The following PTPRQ variants were observed in gnomAD, a reference collection of about 807,000 sequenced individuals.
PTPRQ encodes phosphatidylinositol phosphatase PTPRQ.
A neutral mutation model predicts 246.0 loss-of-function variants in PTPRQ; 199 were observed. The observed-to-expected ratio is 0.81, with a 90% confidence interval of 0.72 to 0.91. The LOEUF is 0.91. Among genes scored for constraint, PTPRQ ranks in the 40% least tolerant of loss-of-function variants. The probability of loss-of-function intolerance (pLI) is 0.00; values close to 1 mark genes in which losing one functional copy is unlikely to be tolerated. For synonymous variants in PTPRQ, 869 were observed against 853.2 expected, an observed-to-expected ratio of 1.02 and a Z score of -0.32; for missense variants, 2,624 against 2,528.4, an observed-to-expected ratio of 1.04 and a Z score of -0.81.
In PTPRQ at chr12:80,477,686, G is replaced by C. The variant is rs566282102; in HGVS notation, c.1186+5435G>C. On this transcript the variant is annotated intron_variant, in intron 8 of 44. Transcript: ENST00000644991. ...TGGGTGTGCGCACCGTGTGCGAGCC[G>C]AAGCAGGGCGAGGCATTGCCTCACT... Among the ~76,000 whole-genome samples the C allele has an allele frequency of 1.5e-3, 233 of 152,284 alleles. 1 individual carries two copies. The highest frequency in any genetic ancestry group is 5.2e-3 in the African/African-American group (217 of 41,560).
rs145904177 is a variant in PTPRQ, at chr12:80,500,492, GT to G, written c.2272+3962del. ...CATATTTACACACTGACTACTGGTG[GT>G]AGGCAGACAACTGCAGAGAGAAAAC... is the stretch of plus-strand genomic sequence containing the variant. On this transcript the variant is annotated intron_variant, in intron 14 of 44. Transcript: ENST00000644991. Among the ~76,000 whole-genome samples the G allele has an allele frequency of 1.6e-3, 241 of 152,056 alleles. 5 individuals carry two copies. In the East Asian group the frequency reaches 0.022, roughly 14 times the overall value.
chr12:80,659,771 T>C (rs1253435950), intron 39 of PTPRQ, among the ~76,000 whole-genome samples: 1 of 152,080 alleles, frequency 6.6e-6, no homozygotes, highest in African/African-American at 2.4e-5. Flanking sequence ...TGTAATATAA[T>C]AAATCTTACA....
At chr12:80,654,035 TTTTTCTTTCTTTC>T (rs375049272) in intron 38 of PTPRQ, among the ~76,000 whole-genome samples, 2,531 of 151,594 alleles carry the variant, frequency 0.017, 57 homozygotes, top group African/African-American at 0.057. Flanking sequence ...TTCTTTCTTT[TTTTTCTTTCTTTC>T]TTTTCTTTCT....
chr12:80,646,082 G>A (rs1900061661), intron 35 of PTPRQ, among the ~76,000 whole-genome samples: 3 of 152,062 alleles, frequency 2.0e-5, no homozygotes, highest in African/African-American at 7.2e-5. Context: ...ATATTCTTTT[G>A]GAAATAATGG....
intron 16 of PTPRQ, among the ~76,000 whole-genome samples, chr12:80,508,417 C>A (rs1262821249): frequency 2.0e-5 from 3 of 151,960 alleles, no homozygotes; most frequent in African/African-American, 4.8e-5. Context: ...CTAAGTTACT[C>A]TGGGGTGTGA....
chr12:80,514,402 A>ACACTCTCTCT (rs552667526), intron 17 of PTPRQ, among the ~76,000 whole-genome samples: 135 of 113,016 alleles, frequency 1.2e-3, no homozygotes, highest in African/African-American at 3.5e-3. Flanking sequence ...ACACACACAC[A>ACACTCTCTCT]CTCTCTCTCT....
At chr12:80,452,583 T>C (rs1372574704) in intron 3 of PTPRQ, among the ~76,000 whole-genome samples, 7 of 152,146 alleles carry the variant, frequency 4.6e-5, no homozygotes, top group Non-Finnish European at 1.0e-4. Flanking sequence ...TCTCTCAGCA[T>C]TTGTTTGTCT....
intron 12 of PTPRQ, among the ~76,000 whole-genome samples, 180 bp downstream of exon 12, chr12:80,495,551 ATG>A (rs1894591377): frequency 6.6e-6 from 1 of 152,024 alleles, no homozygotes; most frequent in Non-Finnish European, 1.5e-5. Flanking sequence ...ACTCGATTAA[ATG>A]TGTTTTTCTT....
chr12:80,613,161 T>C (rs894960481), intron 28 of PTPRQ, among the ~76,000 whole-genome samples: 2 of 147,984 alleles, frequency 1.4e-5, no homozygotes, highest in Admixed American at 6.7e-5. Flanking sequence ...CCAATATCAG[T>C]TTCCTGGTTT....
rs752218516 is a variant in PTPRQ, at chr12:80,495,193, G to T, written c.1704G>T (p.Val568=). 5.8e-6 allele frequency: 9 copies of T among 1,542,970 alleles called. No homozygotes were observed. Among genetic ancestry groups the T allele is most frequent in the Non-Finnish European group, 8.7e-7 (1 of 1,144,566 alleles). ...CATATGTTCATTCTTCTTTTTAAGT[G>T]CCAAGCTCCATTAAAATTATAAACT... ...TVLSVRTRQQ[V]PSSIKIINYK... Residue 568 remains valine, a splice_region_variant and synonymous_variant, in exon 12 of 45, where the codon GTG becomes GTT. Transcript: ENST00000644991.
chr12:80,541,918 A>T, intron 21 of PTPRQ, 73 bp downstream of exon 21: 1 of 1,467,458 alleles, frequency 6.8e-7, no homozygotes, highest in African/African-American at 1.4e-5. Context: ...CTGATAGGAA[A>T]TAGTCTTCAA....
intron 16 of PTPRQ, among the ~76,000 whole-genome samples, chr12:80,508,137 G>A (rs1025397393): frequency 2.0e-5 from 3 of 151,936 alleles, no homozygotes; most frequent in Non-Finnish European, 4.4e-5. Context: ...TCAAGGTAAA[G>A]TTCCATCTAA....
At chr12:80,588,514 T>C (rs1045659732) in intron 26 of PTPRQ, 62 bp downstream of exon 26, 2 of 1,370,140 alleles carry the variant, frequency 1.5e-6, no homozygotes, top group African/African-American at 2.9e-5. Flanking sequence ...GTCTATATAT[T>C]ATGCTTTATA....
At chr12:80,606,699 A>G (rs1206935561) in intron 27 of PTPRQ, among the ~76,000 whole-genome samples, 1 of 150,914 alleles carries the variant, frequency 6.6e-6, no homozygotes, top group Non-Finnish European at 1.5e-5. Context: ...TAATGCTTCT[A>G]TCTCAAAAGA....
rs548155844 is a variant in PTPRQ at position 80,614,699 on chromosome 12, AAG to A, written c.5163+867_5163+868del. On this transcript the variant is annotated intron_variant, in intron 29 of 44. Coordinates refer to ENST00000644991, the MANE Select transcript of PTPRQ (RefSeq NM_001145026.2). Reference sequence around the variant, plus strand: ...ATCGATTAGAGGGAAGACGGTGACTAAGAGAATAAAGTAACCTGGGTTCAAAT... The same window carrying A: ...ATCGATTAGAGGGAAGACGGTGACTAAGAATAAAGTAACCTGGGTTCAAAT... 1.3e-3 allele frequency among the ~76,000 whole-genome samples: 197 copies of A among 151,032 alleles called. 1 individual carries two copies. The highest frequency in any genetic ancestry group is 4.7e-3 in the African/African-American group (193 of 41,414).
chr12:80,507,146 C>G (rs1350031489), intron 16 of PTPRQ, among the ~76,000 whole-genome samples: 1 of 151,856 alleles, frequency 6.6e-6, no homozygotes, highest in Non-Finnish European at 1.5e-5. Context: ...GGACAAGATG[C>G]TATTCCCCAA....
intron 39 of PTPRQ, among the ~76,000 whole-genome samples, chr12:80,667,654 A>C (rs949005874): frequency 6.6e-6 from 1 of 152,002 alleles, no homozygotes; most frequent in Non-Finnish European, 1.5e-5. Flanking sequence ...ATATTGATTC[A>C]GTGGAGAATG....
At chr12:80,478,409 A>G (rs1393270819) in intron 8 of PTPRQ, among the ~76,000 whole-genome samples, 1 of 151,626 alleles carries the variant, frequency 6.6e-6, no homozygotes, top group African/African-American at 2.4e-5. Context: ...CCAAAAGTAG[A>G]TAAAACCACA....
At chr12:80,516,432 G>C (rs1895301326) in intron 17 of PTPRQ, among the ~76,000 whole-genome samples, 1 of 152,134 alleles carries the variant, frequency 6.6e-6, no homozygotes, top group South Asian at 2.1e-4. Flanking sequence ...GAAACAGTCT[G>C]ACAAATGTTT....
Sources: allele counts gnomAD v4.1 joint callset (sites outside exome capture counted in the v4.1 genomes callset), GRCh38; gene constraint gnomAD v4.1.1; transcripts MANE v1.5; gene names NCBI Gene and HGNC (gene_info 2026-07-23, HGNC 2026-07-21).